The following C12orf54 variants were observed in gnomAD, a reference collection of about 807,000 sequenced individuals.
The protein encoded by C12orf54 is chromosome 12 open reading frame 54.
C12orf54 carries 24 observed loss-of-function variants against 26.4 expected under a neutral mutation model. That is an observed-to-expected ratio of 0.91 (90% CI 0.66 to 1.28). C12orf54 has a LOEUF of 1.28. Among genes scored for constraint, C12orf54 ranks in the 50% most tolerant of loss-of-function variants. The probability of loss-of-function intolerance (pLI) is 0.00; values close to 1 mark genes in which losing one functional copy is unlikely to be tolerated. For synonymous variants in C12orf54, 54 were observed against 47.0 expected (o/e 1.15, Z -0.61); for missense variants, 154 against 150.9 (o/e 1.02, Z -0.11).
chr12:48,450,623 C>T, the C12orf54 span, among the ~76,000 whole-genome samples: 1 of 152,066 alleles, frequency 6.6e-6, no homozygotes, highest in Non-Finnish European at 1.5e-5. Flanking sequence ...CAAATAAACA[C>T]AATCAGAAAT....
chr12:48,486,272 A>G, intron 3 of C12orf54, 64 bp downstream of exon 3: 1 of 1,522,712 alleles, frequency 6.6e-7, no homozygotes, highest in Non-Finnish European at 9.1e-7. Flanking sequence ...AGAGGGGAGG[A>G]GAAGAGGTTG....
intron 6 of C12orf54, among the ~76,000 whole-genome samples, chr12:48,491,893 G>A (rs187331029): frequency 6.6e-6 from 1 of 152,208 alleles, no homozygotes; most frequent in East Asian, 1.9e-4. Context: ...GTCTAGGGTA[G>A]GCTTGAATTC....
chr12:48,445,174 TA>T, the C12orf54 span, among the ~76,000 whole-genome samples: 239 of 148,852 alleles, frequency 1.6e-3, no homozygotes, highest in African/African-American at 5.1e-3. Context: ...CTCCGTCTCT[TA>T]AAAAAAAAAA....
the C12orf54 span, among the ~76,000 whole-genome samples, chr12:48,445,154 C>G: frequency 6.6e-6 from 1 of 151,836 alleles, no homozygotes; most frequent in East Asian, 1.9e-4. Flanking sequence ...GCCTGGGCGA[C>G]AGAGCGAGAC....
the C12orf54 span, among the ~76,000 whole-genome samples, chr12:48,436,624 T>G: frequency 2.0e-5 from 3 of 152,104 alleles, no homozygotes; most frequent in African/African-American, 7.2e-5. Context: ...CTCAACTACA[T>G]GGAAACTGAA....
At chr12:48,466,464 G>A in the C12orf54 span, among the ~76,000 whole-genome samples, 4 of 151,910 alleles carry the variant, frequency 2.6e-5, no homozygotes, top group African/African-American at 9.7e-5. Flanking sequence ...AGAATTGCTT[G>A]AACTGGGGAG....
the C12orf54 span, among the ~76,000 whole-genome samples, chr12:48,462,932 G>T: frequency 2.0e-5 from 3 of 151,728 alleles, no homozygotes; most frequent in Non-Finnish European, 4.4e-5. Context: ...AAGCCTTCCA[G>T]ACTGGAAAGG....
chr12:48,478,783 C>T (rs1198043245), upstream of C12orf54, among the ~76,000 whole-genome samples: 1 of 152,186 alleles, frequency 6.6e-6, no homozygotes, highest in Non-Finnish European at 1.5e-5. Flanking sequence ...CATCACTGTG[C>T]ATCAGAGAAA....
the C12orf54 span, among the ~76,000 whole-genome samples, chr12:48,464,960 G>C: frequency 6.6e-6 from 1 of 151,420 alleles, no homozygotes; most frequent in South Asian, 2.1e-4. Flanking sequence ...AACTATAAAA[G>C]CCTTGTATTA....
chr12:48,462,093 CTAA>C, the C12orf54 span, among the ~76,000 whole-genome samples: 1 of 151,286 alleles, frequency 6.6e-6, no homozygotes, highest in Non-Finnish European at 1.5e-5. Context: ...TATGAAAAAA[CTAA>C]TAAGGGAATT....
At chr12:48,468,375 G>A in the C12orf54 span, among the ~76,000 whole-genome samples, 2 of 152,300 alleles carry the variant, frequency 1.3e-5, no homozygotes, top group African/African-American at 4.8e-5. Context: ...CAGGAATGAT[G>A]TCCAAGGGGT....
intron 5 of C12orf54, among the ~76,000 whole-genome samples, chr12:48,489,683 C>T (rs1046996059): frequency 1.3e-5 from 2 of 151,804 alleles, no homozygotes; most frequent in African/African-American, 4.8e-5. Flanking sequence ...TCCCAAAGTG[C>T]TGGGATTACA....
the C12orf54 span, among the ~76,000 whole-genome samples, chr12:48,453,528 T>C: frequency 2.3e-5 from 3 of 131,634 alleles, no homozygotes; most frequent in Admixed American, 2.3e-4. Context: ...AATGTGTATA[T>C]ATATACACAT....
At chr12:48,490,011 C>T (rs1275892538) in intron 5 of C12orf54, among the ~76,000 whole-genome samples, 1 of 152,176 alleles carries the variant, frequency 6.6e-6, no homozygotes, top group East Asian at 1.9e-4. Flanking sequence ...CATGAGCCAC[C>T]CCGCTCAGCC....
chr12:48,450,325 A>C, the C12orf54 span, among the ~76,000 whole-genome samples: 26 of 152,216 alleles, frequency 1.7e-4, no homozygotes, highest in Non-Finnish European at 3.2e-4. Flanking sequence ...TCTGGGATGC[A>C]GCTAAAGCAG....
chr12:48,495,615 G>A (rs1390551943), intron 8 of C12orf54: 1 of 152,610 alleles, frequency 6.6e-6, no homozygotes, highest in East Asian at 1.9e-4. Context: ...CTGTGGCAGA[G>A]ACTATGCTAG....
At chr12:48,448,936 T>G in the C12orf54 span, among the ~76,000 whole-genome samples, 1 of 152,198 alleles carries the variant, frequency 6.6e-6, no homozygotes, top group East Asian at 1.9e-4. Context: ...AAATACAAAT[T>G]TAGAAATAAA....
At chr12:48,434,506 A>G in the C12orf54 span, among the ~76,000 whole-genome samples, 10 of 152,328 alleles carry the variant, frequency 6.6e-5, no homozygotes, top group South Asian at 2.1e-3. Flanking sequence ...ACTAGGAGGC[A>G]TCCCCCAGTA....
the C12orf54 span, among the ~76,000 whole-genome samples, chr12:48,433,241 C>T: frequency 2.4e-4 from 37 of 152,272 alleles, no homozygotes; most frequent in Admixed American, 1.8e-3. Context: ...TGCTCAGCCA[C>T]GGCTACAGTG....
Sources: gnomAD v4.1 joint callset for allele counts (sites outside exome capture counted in the v4.1 genomes callset) on GRCh38, gnomAD v4.1.1 for gene constraint, MANE v1.5 for transcripts, NCBI Gene and HGNC (gene_info 2026-07-23, HGNC 2026-07-21) for gene names.